The following CPSF2 variants were observed in gnomAD, a reference collection of about 807,000 sequenced individuals.
CPSF2 encodes the protein cleavage and polyadenylation specificity factor subunit 2.
Under a neutral mutation model 84.2 loss-of-function variants are expected in CPSF2, and 51 were observed. The ratio of observed to expected loss-of-function variants is 0.61; its 90% CI spans 0.48 to 0.77. The LOEUF is 0.77. CPSF2 is among the 30% of genes least tolerant of loss of function. The pLI is 0.00. For synonymous variants in CPSF2, 286 were observed against 311.9 expected (o/e 0.92, Z 0.87); for missense variants, 641 against 929.4 (o/e 0.69, Z 4.03).
intron 14 of CPSF2, 130 bp downstream of exon 14, chr14:92,159,412 T>A: frequency 1.4e-6 from 1 of 693,052 alleles, no homozygotes; most frequent in Non-Finnish European, 2.4e-6. Flanking sequence ...TTTAACCATT[T>A]AAAATATATG....
At position 92,156,728 on chromosome 14, in the gene CPSF2, T is replaced by A. The variant is rs1048154489; in HGVS notation, c.1595+97T>A. 62 of 805,872 alleles carry A rather than the reference T, an allele frequency of 7.7e-5. No homozygotes were observed. The African/African-American group carries it at 9.3e-4, about 12-fold the overall frequency. The allele number at this position is 805,872 out of a possible 1,614,324, so 49.9% of individuals were successfully genotyped here. A position where few individuals can be genotyped will look rare whatever the true frequency, so the allele number is the denominator to read the frequency against. On this transcript the variant is annotated intron_variant, in intron 12 of 15. Coordinates refer to ENST00000298875, the MANE Select transcript of CPSF2 (RefSeq NM_017437.3). Reference sequence around the variant, plus strand: ...CATTATGTCAAGCAAAATTTCTGAATATTCTTTAGTAAGTTTGTGCTTTTA... The same window carrying A: ...CATTATGTCAAGCAAAATTTCTGAAAATTCTTTAGTAAGTTTGTGCTTTTA...
In CPSF2 at chr14:92,132,537, C is replaced by T. The variant is rs571203759; in HGVS notation, c.149+1404C>T. 4.1e-4 allele frequency among the ~76,000 whole-genome samples: 61 copies of T among 149,658 alleles called. 1 individual carries two copies. Among genetic ancestry groups the T allele is most frequent in the East Asian group, 1.0e-3 (5 of 4,990 alleles). ...CGGTAATCCCAGCACTTTGGGAGGCCGAGGCGGGCAGATCACTTGAGGTCA... is the reference window on the plus strand; with the variant it reads ...CGGTAATCCCAGCACTTTGGGAGGCTGAGGCGGGCAGATCACTTGAGGTCA... On this transcript the variant is annotated intron_variant, in intron 3 of 15. Coordinates refer to ENST00000298875, the MANE Select transcript of CPSF2 (RefSeq NM_017437.3).
chr14:92,124,532 G>C (rs771155266), intron 1 of CPSF2, among the ~76,000 whole-genome samples: 3 of 152,152 alleles, frequency 2.0e-5, no homozygotes, highest in Non-Finnish European at 4.4e-5. Flanking sequence ...TTAAAACTTA[G>C]TCTGAGACAT....
chr14:92,144,711 GT>G (rs1300674782), intron 9 of CPSF2, among the ~76,000 whole-genome samples: 11 of 152,160 alleles, frequency 7.2e-5, no homozygotes, highest in African/African-American at 2.4e-4. Flanking sequence ...AGACAGATTT[GT>G]TTTCACATTC....
chr14:92,147,857 C>T (rs1003939807), intron 9 of CPSF2, among the ~76,000 whole-genome samples: 6 of 152,206 alleles, frequency 3.9e-5, no homozygotes, highest in South Asian at 2.1e-4. Flanking sequence ...CCAATTAGTT[C>T]GCACTGCAGG....
At chr14:92,133,697 C>T (rs953093950) in intron 3 of CPSF2, among the ~76,000 whole-genome samples, 7 of 151,428 alleles carry the variant, frequency 4.6e-5, no homozygotes, top group African/African-American at 1.7e-4. Context: ...AACTCCTGAG[C>T]TCAAACGATT....
In CPSF2 at chr14:92,129,362, G is replaced by A. The variant is rs572647356; in HGVS notation, c.-34-1589G>A. 7.9e-5 allele frequency among the ~76,000 whole-genome samples: 12 copies of A among 152,268 alleles called. No homozygotes were observed. The East Asian group carries it at 1.5e-3, about 20-fold the overall frequency. On this transcript the variant is annotated intron_variant, in intron 2 of 15. Transcript: ENST00000298875. ...AGGGGATTAGGTCTTACTGGGAGAC[G>A]TACACATCGTTGATAATTGATAACC... is the stretch of plus-strand genomic sequence containing the variant.
At chr14:92,135,049 C>T (rs1370491919) in intron 5 of CPSF2, among the ~76,000 whole-genome samples, 1 of 152,182 alleles carries the variant, frequency 6.6e-6, no homozygotes, top group Non-Finnish European at 1.5e-5. Flanking sequence ...ACAAAATACA[C>T]ATTAAAATTT....
At chr14:92,147,510 A>T (rs1348827167) in intron 9 of CPSF2, among the ~76,000 whole-genome samples, 1 of 152,176 alleles carries the variant, frequency 6.6e-6, no homozygotes, top group African/African-American at 2.4e-5. Flanking sequence ...GAAAAATAAG[A>T]TGGAGATAAA....
At position 92,162,322 on chromosome 14, in the gene CPSF2, ACACATTTGGTT is replaced by A. The variant is rs2069385842; in HGVS notation, c.*581_*591del. 6.6e-6 allele frequency: 1 copy of A among 152,644 alleles called. No individual in the cohort carries two copies. The highest frequency in any genetic ancestry group is 2.1e-4 in the South Asian group (1 of 4,834). The allele number at this position is 152,644 out of a possible 1,614,324, so 9.5% of individuals were successfully genotyped here. A position where few individuals can be genotyped will look rare whatever the true frequency, so the allele number is the denominator to read the frequency against. ...GTGATTTACTCTAGGGTAAGGTAGT[ACACATTTGGTT>A]CAGAAATTAATTTTTATTTCTCCTA... is the stretch of plus-strand genomic sequence containing the variant. On this transcript the variant is annotated 3_prime_UTR_variant, in exon 16 of 16. Transcript: ENST00000298875.
chr14:92,154,502 G>C, intron 10 of CPSF2, 44 bp downstream of exon 10: 1 of 1,313,746 alleles, frequency 7.6e-7, no homozygotes. Flanking sequence ...GATGCAATTT[G>C]AGAAGAATGT....
Position 92,157,704 on chromosome 14 carries a change from T to C in CPSF2, c.1641T>C (p.Asp547=), listed in dbSNP as rs2069308738. ...ACTATGAAGGACGCTCTGATGGGGA[T>C]TCCATTAAAAAAATCATTAATCAGA... ...YIDYEGRSDG[D]SIKKIINQMK... Residue 547 remains aspartate (D), a synonymous_variant, in exon 13 of 16, where the codon GAT becomes GAC. Transcript: ENST00000298875. This position sits in a 1 kb window ranked among gnomAD's most constrained non-coding sequence, Gnocchi z 4.0. The C allele has an allele frequency of 6.2e-7, 1 of 1,614,068 alleles. No individual in the cohort carries two copies.
intron 9 of CPSF2, among the ~76,000 whole-genome samples, chr14:92,150,134 T>TTC (rs2069194230): frequency 6.6e-6 from 1 of 151,568 alleles, no homozygotes; most frequent in African/African-American, 2.4e-5. Context: ...GTATTTTTTT[T>TTC]TTCTTGTGTT....
intron 8 of CPSF2, 125 bp downstream of exon 8, chr14:92,142,476 T>C: frequency 1.4e-6 from 1 of 706,306 alleles, no homozygotes; most frequent in Non-Finnish European, 2.4e-6. Context: ...GATGATAACT[T>C]GGCATTAACC....
chr14:92,135,246 C>A, intron 5 of CPSF2, 121 bp from the exon 6 acceptor site: 1 of 872,646 alleles, frequency 1.1e-6, no homozygotes, highest in Non-Finnish European at 1.7e-6. Context: ...TGCATTTTTA[C>A]TTTTGAAATT....
At chr14:92,128,387 G>A (rs1455630662) in intron 2 of CPSF2, among the ~76,000 whole-genome samples, 1 of 152,224 alleles carries the variant, frequency 6.6e-6, no homozygotes, top group Non-Finnish European at 1.5e-5. Flanking sequence ...GGTGGCTGAG[G>A]CAGGAGAATC....
In CPSF2 at chr14:92,165,374, A is replaced by G. The variant is rs1165182633; in HGVS notation, c.*3630A>G. On this transcript the variant is annotated 3_prime_UTR_variant, in exon 16 of 16. Coordinates refer to ENST00000298875, the MANE Select transcript of CPSF2 (RefSeq NM_017437.3). ...CCAGGCTGTTTTCCAAAGTGGCTAC[A>G]ACATTTTGCATTTCCACCAGCATGT... 1.3e-5 allele frequency: 2 copies of G among 152,152 alleles called. No individual in the cohort carries two copies. The highest frequency in any genetic ancestry group is 2.9e-5 in the Non-Finnish European group (2 of 68,018). The allele number at this position is 152,152 out of a possible 1,614,324, so 9.4% of individuals were successfully genotyped here. A position where few individuals can be genotyped will look rare whatever the true frequency, so the allele number is the denominator to read the frequency against.
At chr14:92,158,850 TG>T in intron 13 of CPSF2, 132 bp from the exon 14 acceptor site, 2 of 753,788 alleles carry the variant, frequency 2.7e-6, no homozygotes, top group Non-Finnish European at 2.1e-6. Flanking sequence ...CAGGTCATTG[TG>T]GGACTCAGAT....
rs774112533 is a variant in CPSF2, at chr14:92,155,118, C to T, written c.1242-5C>T. On this transcript the variant is annotated splice_region_variant and splice_polypyrimidine_tract_variant and intron_variant, in intron 10 of 15. Coordinates refer to ENST00000298875, the MANE Select transcript of CPSF2 (RefSeq NM_017437.3). ...TGACCTTGATCTATTCTAAAATCCTCCTAGGGCAGATATAGATTCCAGTGA... is the reference window on the plus strand; with the variant it reads ...TGACCTTGATCTATTCTAAAATCCTTCTAGGGCAGATATAGATTCCAGTGA... The T allele has an allele frequency of 8.1e-6, 13 of 1,604,846 alleles. No homozygotes were observed. Among genetic ancestry groups the T allele is most frequent in the African/African-American group, 2.7e-5 (2 of 74,806 alleles).
Sources: allele counts gnomAD v4.1 joint callset (sites outside exome capture counted in the v4.1 genomes callset), GRCh38; gene constraint gnomAD v4.1.1; non-coding constraint Gnocchi (gnomAD v3.1); transcripts MANE v1.5; gene names NCBI Gene and HGNC (gene_info 2026-07-23, HGNC 2026-07-21).